PDE4D: variants seen among roughly 807,000 people sequenced by gnomAD.
PDE4D encodes the protein 3',5'-cyclic-AMP phosphodiesterase 4D.
A neutral mutation model predicts 87.4 loss-of-function variants in PDE4D; 24 were observed. The ratio of observed to expected loss-of-function variants is 0.27; its 90% CI spans 0.20 to 0.39. PDE4D has a LOEUF of 0.39. Among genes scored for constraint, PDE4D ranks in the 10% least tolerant of loss-of-function variants. PDE4D has a pLI of 1.00. For synonymous variants in PDE4D, 384 were observed against 383.2 expected (o/e 1.00, Z -0.02); for missense variants, 714 against 1,041.0 (o/e 0.69, Z 4.32).
At chr5:59,650,622 T>TA (rs971411254) in intron 1 of PDE4D, among the ~76,000 whole-genome samples, 34 of 152,134 alleles carry the variant, frequency 2.2e-4, no homozygotes, top group African/African-American at 7.5e-4. Flanking sequence ...CAAGTCTTAT[T>TA]AAAAAAAATA....
intron 1 of PDE4D, among the ~76,000 whole-genome samples, chr5:60,266,627 G>A (rs1272690982): frequency 6.6e-6 from 1 of 152,144 alleles, no homozygotes; most frequent in Non-Finnish European, 1.5e-5. Flanking sequence ...AGCTCTGACA[G>A]CACCCAAACA....
intron 1 of PDE4D, among the ~76,000 whole-genome samples, chr5:59,595,527 A>C (rs1826549632): frequency 6.6e-6 from 1 of 152,162 alleles, no homozygotes; most frequent in Non-Finnish European, 1.5e-5. Context: ...CCGACCTCTG[A>C]ATTTGGTAAA....
intron 1 of PDE4D, among the ~76,000 whole-genome samples, chr5:59,657,240 T>C (rs1179237705): frequency 6.6e-6 from 1 of 152,236 alleles, no homozygotes; most frequent in Non-Finnish European, 1.5e-5. Context: ...CTGTTATAAA[T>C]AATAATTCTT....
chr5:59,357,421 G>A (rs955549801), intron 1 of PDE4D, among the ~76,000 whole-genome samples: 3 of 151,974 alleles, frequency 2.0e-5, no homozygotes, highest in African/African-American at 7.3e-5. Flanking sequence ...ATAATTCTTA[G>A]CCAACCTTCC....
At chr5:60,079,535 C>A (rs762915675) in intron 2 of PDE4D, among the ~76,000 whole-genome samples, 1 of 152,142 alleles carries the variant, frequency 6.6e-6, no homozygotes, top group Non-Finnish European at 1.5e-5. Flanking sequence ...TTTAATCCAT[C>A]TTGAGTTAAA....
At chr5:59,031,362 G>GAT (rs137969980) in intron 6 of PDE4D, among the ~76,000 whole-genome samples, 1,841 of 111,524 alleles carry the variant, frequency 0.017, 16 homozygotes, top group East Asian at 0.03. Context: ...AAGAAAATGT[G>GAT]ATATATATAT....
At chr5:59,564,943 G>T (rs1820628162) in intron 1 of PDE4D, among the ~76,000 whole-genome samples, 1 of 152,174 alleles carries the variant, frequency 6.6e-6, no homozygotes, top group Non-Finnish European at 1.5e-5. Context: ...GAAGAGGAGG[G>T]TCTCACCAGG....
chr5:59,315,126 C>A (rs1773454160), intron 1 of PDE4D, among the ~76,000 whole-genome samples: 1 of 152,132 alleles, frequency 6.6e-6, no homozygotes, highest in Non-Finnish European at 1.5e-5. Context: ...TCCTTTTCGC[C>A]CAATAAATAA....
rs1323463232 is a variant in PDE4D, at chr5:59,893,386, G to T, written c.237C>A (p.Pro79=). The T allele has an allele frequency of 7.9e-7, 1 of 1,266,490 alleles. No homozygotes were observed. Among genetic ancestry groups the T allele is most frequent in the Admixed American group, 3.8e-5 (1 of 26,652 alleles). The allele number at this position is 1,266,490 out of a possible 1,614,324, so 78.5% of individuals were successfully genotyped here. A position where few individuals can be genotyped will look rare whatever the true frequency, so the allele number is the denominator to read the frequency against. The change falls in exon 1 of 15, where the codon CCC becomes CCA. Residue 79 remains proline (P), a synonymous_variant. Coordinates refer to ENST00000340635, the MANE Select transcript of PDE4D (RefSeq NM_001104631.2). ...PQCPLQPPPP[P]PLPPPPPPPG... ...GCGGCGGCGGGGGCGGCGGCAGGGG[G>T]GGCGGCGGCGGCGGCTGTAGCGGAC...
chr5:59,571,400 C>T (rs1821823839), intron 1 of PDE4D, among the ~76,000 whole-genome samples: 1 of 152,098 alleles, frequency 6.6e-6, no homozygotes, highest in Non-Finnish European at 1.5e-5. Context: ...GCCAAGGATA[C>T]AGAAGGGGTG....
chr5:60,272,734 T>C (rs970925487), intron 1 of PDE4D, among the ~76,000 whole-genome samples: 7 of 152,300 alleles, frequency 4.6e-5, no homozygotes, highest in Admixed American at 2.0e-4. Context: ...AAAGAACTGC[T>C]GCAAGGATAT....
intron 2 of PDE4D, among the ~76,000 whole-genome samples, chr5:60,033,314 C>A (rs1163362295): frequency 6.6e-6 from 1 of 152,076 alleles, no homozygotes; most frequent in Non-Finnish European, 1.5e-5. Flanking sequence ...ATAACTACCT[C>A]ATAAATGATC....
chr5:59,576,443 T>A (rs908700428), intron 1 of PDE4D, among the ~76,000 whole-genome samples: 3 of 151,818 alleles, frequency 2.0e-5, no homozygotes, highest in African/African-American at 7.3e-5. Flanking sequence ...CATAGCACAA[T>A]AACATTATTT....
At chr5:60,325,365 T>C (rs1031885572) in intron 1 of PDE4D, among the ~76,000 whole-genome samples, 1 of 152,208 alleles carries the variant, frequency 6.6e-6, no homozygotes, top group Non-Finnish European at 1.5e-5. Context: ...CCTGATTGTA[T>C]ATATCCCTAC....
At position 59,216,399 on chromosome 5, in the gene PDE4D, T is replaced by A. The variant is rs142816217; in HGVS notation, c.456-431A>T. Among the ~76,000 whole-genome samples the A allele has an allele frequency of 3.6e-3, 545 of 152,272 alleles. 5 individuals carry two copies. The highest frequency in any genetic ancestry group is 0.012 in the African/African-American group (508 of 41,560). On this transcript the variant is annotated intron_variant, in intron 1 of 14. Transcript: ENST00000340635. ...CCCTCCACACTCCTACCCTATAACA[T>A]CCATCCAAGCATTAATTTCTATTGT...
chr5:59,065,067 TACACACACACACACACAC>T lies in PDE4D; in HGVS notation c.809-26114_809-26097del, dbSNP rs10563874. Among the ~76,000 whole-genome samples the T allele has an allele frequency of 3.6e-3, 326 of 89,336 alleles. 7 individuals are homozygous for T. The highest frequency in any genetic ancestry group is 0.026 in the South Asian group (72 of 2,796). The allele number at this position is 89,336 out of a possible 152,430, so 58.6% of individuals were successfully genotyped here. A position where few individuals can be genotyped will look rare whatever the true frequency, so the allele number is the denominator to read the frequency against. ...GGACAAAGGAAATGTGATATATATA[TACACACACACACACACAC>T]ACACACACACACACACACACACACA... On this transcript the variant is annotated intron_variant, in intron 5 of 14. Coordinates refer to ENST00000340635, the MANE Select transcript of PDE4D (RefSeq NM_001104631.2).
At chr5:60,036,129 C>A (rs890927096) in intron 2 of PDE4D, among the ~76,000 whole-genome samples, 7 of 152,122 alleles carry the variant, frequency 4.6e-5, no homozygotes, top group Non-Finnish European at 8.8e-5. Context: ...TGATATGACA[C>A]AAATGAATGT....
chr5:59,768,768 C>T (rs555734764), intron 1 of PDE4D: 1 of 787,990 alleles, frequency 1.3e-6, no homozygotes, highest in Admixed American at 3.3e-5. Context: ...AGCAAATGAA[C>T]AAGGAGGGAA....
At chr5:60,425,313 A>T (rs1054226698) in intron 1 of PDE4D, among the ~76,000 whole-genome samples, 13 of 152,222 alleles carry the variant, frequency 8.5e-5, no homozygotes, top group South Asian at 2.1e-4. Flanking sequence ...CCAAAACAGC[A>T]TGGTACTGGT....
Sources: allele counts gnomAD v4.1 joint callset (sites outside exome capture counted in the v4.1 genomes callset), GRCh38; gene constraint gnomAD v4.1.1; transcripts MANE v1.5; gene names NCBI Gene and HGNC (gene_info 2026-07-23, HGNC 2026-07-21).